GNAI1: variants seen among roughly 807,000 people sequenced by gnomAD.
The protein encoded by GNAI1 is G protein subunit alpha i1, also known as guanine nucleotide-binding protein G(i) subunit alpha-1.
GNAI1 carries 11 observed loss-of-function variants against 38.9 expected under a neutral mutation model. The ratio of observed to expected loss-of-function variants is 0.28; its 90% CI spans 0.18 to 0.47. The LOEUF (loss-of-function observed/expected upper bound fraction) is 0.47. GNAI1 is among the 20% of genes least tolerant of loss of function. The pLI, the probability that GNAI1 is intolerant of heterozygous loss-of-function variation, is 0.99. For synonymous variants in GNAI1, 166 were observed against 145.1 expected (o/e 1.14, Z -1.04); for missense variants, 317 against 436.9 (o/e 0.73, Z 2.45).
At chr7:80,150,392 A>G (rs576817728) in intron 1 of GNAI1, among the ~76,000 whole-genome samples, 1 of 152,352 alleles carries the variant, frequency 6.6e-6, no homozygotes, top group East Asian at 1.9e-4. Flanking sequence ...GAGATAGTGA[A>G]TGTTTGATAA....
intron 3 of GNAI1, among the ~76,000 whole-genome samples, chr7:80,197,147 A>T (rs1788591708): frequency 7.0e-6 from 1 of 142,672 alleles, no homozygotes; most frequent in Non-Finnish European, 1.5e-5. Flanking sequence ...CTAGCTTTGT[A>T]TATTTGACCT....
Position 80,217,664 on chromosome 7 carries a change from T to C in GNAI1, c.*171T>C. 1 of 445,900 alleles carries C rather than the reference T, an allele frequency of 2.2e-6. No individual in the cohort carries two copies. Among genetic ancestry groups the C allele is most frequent in the East Asian group, 3.4e-5 (1 of 29,026 alleles). 27.6% of individuals were successfully genotyped at this position (445,900 alleles called of 1,614,324 possible). ...TTTAACTGAAAGTAACAGAAGGACC[T>C]TTCTTAAATGTGACAGATGGTCCTG... On this transcript the variant is annotated 3_prime_UTR_variant, in exon 8 of 8. Coordinates refer to ENST00000649796, the MANE Select transcript of GNAI1 (RefSeq NM_002069.6).
chr7:80,142,477 A>G (rs1449831038), intron 1 of GNAI1, among the ~76,000 whole-genome samples: 1 of 152,126 alleles, frequency 6.6e-6, no homozygotes, highest in Non-Finnish European at 1.5e-5. Flanking sequence ...CCTTCCTACT[A>G]ATACCATATT....
intron 1 of GNAI1, among the ~76,000 whole-genome samples, chr7:80,171,544 A>G (rs569137470): frequency 1.3e-5 from 2 of 152,278 alleles, no homozygotes; most frequent in Admixed American, 1.3e-4. Flanking sequence ...GTTTATTTTA[A>G]TTTACATCTT....
At chr7:80,163,082 C>T (rs1359048816) in intron 1 of GNAI1, among the ~76,000 whole-genome samples, 1 of 151,942 alleles carries the variant, frequency 6.6e-6, no homozygotes, top group Non-Finnish European at 1.5e-5. Flanking sequence ...GAGGCTGACA[C>T]CCCTGGGTTT....
intron 5 of GNAI1, among the ~76,000 whole-genome samples, chr7:80,209,509 A>G (rs1002178135): frequency 6.6e-6 from 1 of 152,232 alleles, no homozygotes; most frequent in Non-Finnish European, 1.5e-5. Context: ...AATCATATCT[A>G]TAAAATACAG....
intron 1 of GNAI1, 73 bp from the exon 2 acceptor site, chr7:80,188,876 GTT>G (rs1174753288): frequency 8.2e-6 from 7 of 855,018 alleles, no homozygotes; most frequent in Non-Finnish European, 1.2e-5. Flanking sequence ...GTGTGTGTGT[GTT>G]TGTGTGTTGG....
At chr7:80,149,903 A>G (rs2116096185) in intron 1 of GNAI1, among the ~76,000 whole-genome samples, 1 of 152,312 alleles carries the variant, frequency 6.6e-6, no homozygotes, top group Admixed American at 6.5e-5. Flanking sequence ...AGAAAAAAGG[A>G]AACTACAATA....
intron 1 of GNAI1, among the ~76,000 whole-genome samples, chr7:80,184,959 G>A (rs1196656940): frequency 6.6e-6 from 1 of 152,074 alleles, no homozygotes. Flanking sequence ...ACCTTGACCA[G>A]CCAGGTTTCG....
At chr7:80,190,164 G>A (rs1788457258) in intron 3 of GNAI1, among the ~76,000 whole-genome samples, 1 of 151,850 alleles carries the variant, frequency 6.6e-6, no homozygotes, top group African/African-American at 2.4e-5. Flanking sequence ...TTTTAAACAT[G>A]TAGGCTCAAT....
intron 1 of GNAI1, among the ~76,000 whole-genome samples, chr7:80,172,503 A>T (rs958569340): frequency 6.6e-6 from 1 of 152,162 alleles, no homozygotes; most frequent in Non-Finnish European, 1.5e-5. Flanking sequence ...TTAGTCAAAA[A>T]CATATGCTTC....
At chr7:80,193,588 C>T (rs903089724) in intron 3 of GNAI1, among the ~76,000 whole-genome samples, 1 of 151,982 alleles carries the variant, frequency 6.6e-6, no homozygotes, top group African/African-American at 2.4e-5. Flanking sequence ...TACAAAGGGG[C>T]CTATTCACCT....
intron 1 of GNAI1, among the ~76,000 whole-genome samples, chr7:80,144,069 CCTCCTTA>C (rs1294258173): frequency 1.3e-5 from 2 of 152,066 alleles, no homozygotes; most frequent in African/African-American, 4.8e-5. Context: ...TCTTTAACAG[CCTCCTTA>C]CTGGGGCTAG....
intron 1 of GNAI1, among the ~76,000 whole-genome samples, chr7:80,186,118 T>C (rs936752945): frequency 2.1e-5 from 3 of 145,968 alleles, no homozygotes; most frequent in African/African-American, 5.1e-5. Context: ...CTGCAACCTC[T>C]GCCTCCCGGG....
Position 80,199,246 on chromosome 7 carries a change from G to T in GNAI1, c.325G>T (p.Val109Leu). The T allele has an allele frequency of 1.2e-6, 2 of 1,611,926 alleles. No homozygotes were observed. Among genetic ancestry groups the T allele is most frequent in the South Asian group, 1.1e-5 (1 of 90,510 alleles). ...TCAGGATGATGCACGCCAACTCTTT[G>T]TGCTAGCTGGAGCTGCTGAAGAAGG... Reference protein sequence around the residue: ...ARADDARQLFVLAGAAEEGFM... With the variant: ...ARADDARQLFLLAGAAEEGFM... The change falls in exon 4 of 8, where the codon GTG becomes TTG. Residue 109 changes from valine (V) to leucine (L), a missense_variant. Coordinates refer to ENST00000649796, the MANE Select transcript of GNAI1 (RefSeq NM_002069.6).
intron 1 of GNAI1, chr7:80,187,540 G>C (rs1380908798): frequency 6.6e-6 from 1 of 152,382 alleles, no homozygotes; most frequent in East Asian, 1.9e-4. Context: ...AGGGGAAACA[G>C]TGTTTGAAGA....
chr7:80,183,634 T>C (rs1788335336), intron 1 of GNAI1, among the ~76,000 whole-genome samples: 1 of 151,922 alleles, frequency 6.6e-6, no homozygotes, highest in African/African-American at 2.4e-5. Context: ...ATTTTTTTCT[T>C]TGAAAGAAAA....
chr7:80,171,816 C>G (rs561339915), intron 1 of GNAI1, among the ~76,000 whole-genome samples: 54 of 152,264 alleles, frequency 3.5e-4, no homozygotes, highest in African/African-American at 1.2e-3. Flanking sequence ...CTTATTTACA[C>G]TAGTCTTTTT....
rs1378761411 is a variant in GNAI1, at chr7:80,223,094, AT to A, written c.*5602del. 2.6e-5 allele frequency among the ~76,000 whole-genome samples: 4 copies of A among 152,204 alleles called. No homozygotes were observed. The stretch of plus-strand genomic sequence containing the variant: ...TACTTGAAATATGGTTTCTAACTGA[AT>A]GCATACCAGTTTCGCACCAATGTAA... On this transcript the variant is annotated 3_prime_UTR_variant, in exon 8 of 8. Transcript: ENST00000649796.
Sources: allele counts gnomAD v4.1 joint callset (sites outside exome capture counted in the v4.1 genomes callset), GRCh38; gene constraint gnomAD v4.1.1; transcripts MANE v1.5; gene names NCBI Gene and HGNC (gene_info 2026-07-23, HGNC 2026-07-21).